Variants in ELP4 observed in about 807,000 individuals in gnomAD.
ELP4 encodes the protein elongator complex protein 4.
Under a neutral mutation model 48.9 loss-of-function variants are expected in ELP4, and 51 were observed. The observed-to-expected ratio is 1.04, with a 90% confidence interval of 0.83 to 1.32. The LOEUF (loss-of-function observed/expected upper bound fraction) is 1.32. Among genes scored for constraint, ELP4 ranks in the 40% most tolerant of loss-of-function variants. The pLI, the probability that ELP4 is intolerant of heterozygous loss-of-function variation, is 0.00. For missense variants in ELP4, 519 were observed against 514.6 expected, an observed-to-expected ratio of 1.01 and a Z score of -0.08; for synonymous variants, 210 against 189.2, an observed-to-expected ratio of 1.11 and a Z score of -0.90.
chr11:31,633,739 T>A (rs541055289), intron 7 of ELP4: 6 of 152,060 alleles, frequency 3.9e-5, no homozygotes, highest in Non-Finnish European at 7.4e-5. Context: ...AACAGACTTA[T>A]CAGATACTGG....
At chr11:31,631,578 A>G (rs1944862387) in intron 6 of ELP4, among the ~76,000 whole-genome samples, 2 of 152,154 alleles carry the variant, frequency 1.3e-5, no homozygotes, top group Non-Finnish European at 2.9e-5. Flanking sequence ...TAGTTTTTAA[A>G]TGTTCTTTTC....
intron 7 of ELP4, chr11:31,645,616 T>G (rs1307426622): frequency 6.6e-6 from 1 of 151,784 alleles, no homozygotes; most frequent in South Asian, 2.1e-4. Context: ...GTTTCAGATA[T>G]TTAGATAAAA....
At chr11:31,682,394 A>G (rs1206507977) in intron 9 of ELP4, among the ~76,000 whole-genome samples, 2 of 152,210 alleles carry the variant, frequency 1.3e-5, no homozygotes, top group East Asian at 1.9e-4. Flanking sequence ...TCACACTTCC[A>G]GGATGCTTAC....
intron 6 of ELP4, among the ~76,000 whole-genome samples, chr11:31,629,766 T>A (rs1194287130): frequency 3.9e-5 from 1 of 25,424 alleles, no homozygotes; most frequent in African/African-American, 6.3e-5. Context: ...CTATCTAGAT[T>A]TTTTTTTTTT....
Position 31,603,843 on chromosome 11 carries a change from G to A in ELP4, c.589G>A (p.Ala197Thr). Residue 197 changes from alanine to threonine, a missense_variant, in exon 5 of 10, where the codon GCT (alanine) becomes ACT (threonine). Ala to Thr is a moderately conservative substitution (Grantham distance 58). Coordinates refer to ENST00000640961, the MANE Select transcript of ELP4 (RefSeq NM_019040.5). ...AAGAATGCCACAAGAACTAATTGAG[G>A]CTTCAAATTGGCATGGATTTTTTCT... Reference protein sequence around the residue: ...SKRMPQELIEASNWHGFFLPE... With the variant: ...SKRMPQELIETSNWHGFFLPE... 6.2e-7 allele frequency: 1 copy of A among 1,611,174 alleles called. No homozygotes were observed. Among genetic ancestry groups the A allele is most frequent in the Non-Finnish European group, 8.5e-7 (1 of 1,178,146 alleles).
intron 1 of ELP4, chr11:31,510,723 G>C (rs1464325699): frequency 4.7e-6 from 1 of 214,778 alleles, no homozygotes; most frequent in East Asian, 1.0e-4. Context: ...GAAAAGTCTA[G>C]TTCTTAGGCT....
At chr11:31,546,864 A>G (rs1331634419) in intron 3 of ELP4, among the ~76,000 whole-genome samples, 1 of 152,232 alleles carries the variant, frequency 6.6e-6, no homozygotes, top group Non-Finnish European at 1.5e-5. Flanking sequence ...TGGAAACTGA[A>G]CAACCTGCTC....
At position 31,769,835 on chromosome 11, in the gene ELP4, T is replaced by C. The variant is rs1425066660; in HGVS notation, c.1144-13558T>C. Reference sequence around the variant, plus strand: ...AGGAATTCTCATTTAATTAGTAGTTTGAATATATTTCTGAAAGACTTTTTC... The same window carrying C: ...AGGAATTCTCATTTAATTAGTAGTTCGAATATATTTCTGAAAGACTTTTTC... On this transcript the variant is annotated intron_variant, in intron 9 of 9. Coordinates refer to ENST00000640961, the MANE Select transcript of ELP4 (RefSeq NM_019040.5). Among the ~76,000 whole-genome samples, 5 of 152,342 alleles carry C rather than the reference T, an allele frequency of 3.3e-5. No individual in the cohort carries two copies. In the East Asian group the frequency reaches 7.7e-4, roughly 23 times the overall value.
At chr11:31,703,370 A>G (rs1052310164) in intron 9 of ELP4, among the ~76,000 whole-genome samples, 13 of 152,184 alleles carry the variant, frequency 8.5e-5, no homozygotes, top group African/African-American at 2.9e-4. Context: ...CTCTTTATTT[A>G]TATATACTGT....
intron 9 of ELP4, among the ~76,000 whole-genome samples, chr11:31,741,747 C>G (rs923528249): frequency 6.6e-6 from 1 of 152,124 alleles, no homozygotes; most frequent in Non-Finnish European, 1.5e-5. Context: ...CCCATCTGTA[C>G]GTCACCATCA....
chr11:31,587,630 GT>G (rs1592140175), intron 3 of ELP4, among the ~76,000 whole-genome samples: 4 of 151,484 alleles, frequency 2.6e-5, no homozygotes, highest in African/African-American at 7.3e-5. Context: ...CTTTATTTTT[GT>G]TTTTTTCTAT....
At chr11:31,540,076 G>A (rs963718496) in intron 3 of ELP4, among the ~76,000 whole-genome samples, 1 of 152,140 alleles carries the variant, frequency 6.6e-6, no homozygotes, top group Non-Finnish European at 1.5e-5. Context: ...ATTCACAAAA[G>A]TCATGCTTAA....
chr11:31,762,291 T>C (rs1947960582), intron 9 of ELP4, among the ~76,000 whole-genome samples: 1 of 152,196 alleles, frequency 6.6e-6, no homozygotes, highest in Admixed American at 6.5e-5. Flanking sequence ...AAGATAACTT[T>C]TGCCTACCTT....
intron 3 of ELP4, among the ~76,000 whole-genome samples, chr11:31,566,545 T>G (rs1957115064): frequency 6.6e-6 from 1 of 152,190 alleles, no homozygotes; most frequent in Non-Finnish European, 1.5e-5. Context: ...CACATAGGTC[T>G]TCGCTGGTTA....
chr11:31,630,336 ATT>A (rs538254633), intron 6 of ELP4, among the ~76,000 whole-genome samples: 1 of 118,146 alleles, frequency 8.5e-6, no homozygotes, highest in Non-Finnish European at 1.8e-5. Context: ...TCTCCTTTTC[ATT>A]TTTTTTTTTT....
chr11:31,559,970 T>C (rs1032349977), intron 3 of ELP4, among the ~76,000 whole-genome samples: 1 of 137,688 alleles, frequency 7.3e-6, no homozygotes, highest in African/African-American at 3.1e-5. Flanking sequence ...TGTACCACAG[T>C]AAATAATTTT....
Position 31,682,263 on chromosome 11 carries a change from G to C in ELP4, c.1143+32042G>C, listed in dbSNP as rs572240131. Among the ~76,000 whole-genome samples the C allele has an allele frequency of 2.0e-5, 3 of 152,252 alleles. No homozygotes were observed. The East Asian group carries it at 5.8e-4, about 29-fold the overall frequency. ...GGAGGAAGAATCATAGATTACTCAAGGCTGTAATATTAGTGGCCCATCAAT... is the reference window on the plus strand; with the variant it reads ...GGAGGAAGAATCATAGATTACTCAACGCTGTAATATTAGTGGCCCATCAAT... On this transcript the variant is annotated intron_variant, in intron 9 of 9. Coordinates refer to ENST00000640961, the MANE Select transcript of ELP4 (RefSeq NM_019040.5).
chr11:31,762,001 G>A (rs996010770), intron 9 of ELP4: 1 of 152,330 alleles, frequency 6.6e-6, no homozygotes, highest in African/African-American at 2.4e-5. Context: ...AGAAACCTTA[G>A]AGTGTAATCC....
chr11:31,595,032 G>A (rs1957648380), intron 4 of ELP4, 131 bp downstream of exon 4: 2 of 683,776 alleles, frequency 2.9e-6, no homozygotes, highest in Non-Finnish European at 4.4e-6. Flanking sequence ...TAGAGTATTT[G>A]GTCAAGATGA....
Sources: gnomAD v4.1 joint callset for allele counts (sites outside exome capture counted in the v4.1 genomes callset) on GRCh38, gnomAD v4.1.1 for gene constraint, MANE v1.5 for transcripts, NCBI Gene and HGNC (gene_info 2026-07-23, HGNC 2026-07-21) for gene names.